LACTB2: variants seen among roughly 807,000 people sequenced by gnomAD.
LACTB2 encodes the protein endoribonuclease LACTB2.
A neutral mutation model predicts 34.8 loss-of-function variants in LACTB2; 32 were observed. The observed-to-expected ratio is 0.92, with a 90% CI of 0.69 to 1.24. The LOEUF is 1.24. Among genes scored for constraint, LACTB2 ranks in the 50% most tolerant of loss-of-function variants. The pLI is 0.00. For synonymous variants in LACTB2, 120 were observed against 117.5 expected (o/e 1.02, Z -0.14); for missense variants, 320 against 345.0 (o/e 0.93, Z 0.57).
At chr8:70,647,359 TCTC>T (rs1818277118) in intron 3 of LACTB2, among the ~76,000 whole-genome samples, 1 of 151,896 alleles carries the variant, frequency 6.6e-6, no homozygotes, top group Admixed American at 6.6e-5. Context: ...TTCAAGCAAT[TCTC>T]CTGCCTCAGC....
intron 3 of LACTB2, among the ~76,000 whole-genome samples, chr8:70,650,822 A>G (rs1049661546): frequency 6.6e-6 from 1 of 151,584 alleles, no homozygotes; most frequent in African/African-American, 2.4e-5. Context: ...ATACTACCCA[A>G]TTTTATTACT....
intron 1 of LACTB2, chr8:70,662,387 T>C (rs1345808192): frequency 6.6e-6 from 1 of 152,374 alleles, no homozygotes; most frequent in Non-Finnish European, 1.5e-5. Context: ...TTTATAGATA[T>C]GAAAGATTTT....
At chr8:70,666,570 G>A (rs1341399097) in intron 1 of LACTB2, among the ~76,000 whole-genome samples, 1 of 152,144 alleles carries the variant, frequency 6.6e-6, no homozygotes, top group African/African-American at 2.4e-5. Context: ...GAATACACAA[G>A]GCCTTCCAGT....
intron 6 of LACTB2, 55 bp from the exon 7 acceptor site, chr8:70,637,958 G>C: frequency 2.1e-6 from 2 of 971,124 alleles, no homozygotes; most frequent in Non-Finnish European, 3.0e-6. Context: ...TAAATGCACT[G>C]AATTTTAAGT....
intron 4 of LACTB2, among the ~76,000 whole-genome samples, chr8:70,642,989 T>C (rs28436006): frequency 0.15 from 22,849 of 152,074 alleles, 2,403 homozygotes; most frequent in African/African-American, 0.3. Flanking sequence ...ACAGCTAAAA[T>C]GTGGTCCAAA....
At chr8:70,638,720 G>T in intron 5 of LACTB2, 91 bp from the exon 6 acceptor site, 4 of 1,034,678 alleles carry the variant, frequency 3.9e-6, no homozygotes, top group South Asian at 2.3e-5. Flanking sequence ...AAAGCAAAAT[G>T]TAGCAAAAGT....
At chr8:70,663,307 A>G (rs535576982) in intron 1 of LACTB2, 2 of 152,320 alleles carry the variant, frequency 1.3e-5, no homozygotes, top group African/African-American at 4.8e-5. Flanking sequence ...GTTATTTTTT[A>G]TTGGTTTGTT....
chr8:70,661,608 T>C, intron 2 of LACTB2, 126 bp downstream of exon 2: 1 of 779,780 alleles, frequency 1.3e-6, no homozygotes, highest in South Asian at 2.0e-5. Context: ...AATCAATTTC[T>C]AAAAGTACCA....
At position 70,638,471 on chromosome 8, in the gene LACTB2, T is replaced by C; in HGVS notation, c.823+77A>G. The C allele has an allele frequency of 3.5e-6, 5 of 1,410,280 alleles. No homozygotes were observed. In the South Asian group the frequency reaches 6.7e-5, roughly 19 times the overall value. 87.4% of individuals were successfully genotyped at this position (1,410,280 alleles called of 1,614,324 possible). A position where few individuals can be genotyped will look rare whatever the true frequency, so the allele number is the denominator to read the frequency against. ...GGGAGAACTCTGATGGGTATTATTT[T>C]TCCTCAAAGGAAACTAAGGCATCTG... On this transcript the variant is annotated intron_variant, in intron 6 of 6. Transcript: ENST00000276590.
chr8:70,643,348 G>A (rs1420874287), intron 4 of LACTB2, among the ~76,000 whole-genome samples: 1 of 148,078 alleles, frequency 6.8e-6, no homozygotes, highest in Non-Finnish European at 1.5e-5. Context: ...TCAGCCTCCC[G>A]CGTAGCTGGG....
At chr8:70,665,900 G>T (rs1484133291) in intron 1 of LACTB2, among the ~76,000 whole-genome samples, 2 of 152,174 alleles carry the variant, frequency 1.3e-5, no homozygotes, top group South Asian at 4.1e-4. Flanking sequence ...GAGCAGAGGA[G>T]GAAAGTAAAA....
At position 70,637,379 on chromosome 8, in the gene LACTB2, G is replaced by C. The variant is rs1979452; in HGVS notation, c.*481C>G. ...ATGATACAGAGTTATGGAACCAATA[G>C]ATAGTCATGATATAGTTGATAGAAA... On this transcript the variant is annotated 3_prime_UTR_variant, in exon 7 of 7. Coordinates refer to ENST00000276590, the MANE Select transcript of LACTB2 (RefSeq NM_016027.3). 0.12 allele frequency: 18,897 copies of C among 152,150 alleles called. 1,422 individuals are homozygous for C. Among genetic ancestry groups the C allele is most frequent in the African/African-American group, 0.21 (8,798 of 41,486 alleles). 9.4% of individuals were successfully genotyped at this position (152,150 alleles called of 1,614,324 possible). A position where few individuals can be genotyped will look rare whatever the true frequency, so the allele number is the denominator to read the frequency against.
chr8:70,663,098 A>G (rs1175562962), intron 1 of LACTB2: 1 of 152,224 alleles, frequency 6.6e-6, no homozygotes, highest in African/African-American at 2.4e-5. Context: ...TTATTCATTA[A>G]TTGATCAATA....
chr8:70,655,121 GAACA>G (rs1472949951), intron 3 of LACTB2, among the ~76,000 whole-genome samples: 1 of 151,392 alleles, frequency 6.6e-6, no homozygotes, highest in African/African-American at 2.4e-5. Flanking sequence ...ATATCAGTGA[GAACA>G]AACAATGTTT....
intron 3 of LACTB2, among the ~76,000 whole-genome samples, chr8:70,649,706 G>A (rs533265076): frequency 6.6e-6 from 1 of 152,176 alleles, no homozygotes; most frequent in Non-Finnish European, 1.5e-5. Flanking sequence ...ATGTAGGAAA[G>A]AATCAAATAG....
chr8:70,668,219 G>A (rs1818562743), intron 1 of LACTB2, among the ~76,000 whole-genome samples: 1 of 152,132 alleles, frequency 6.6e-6, no homozygotes, highest in African/African-American at 2.4e-5. Context: ...TGTCTTGACT[G>A]CACAATTAAA....
At chr8:70,654,168 G>A (rs773903284) in intron 3 of LACTB2, among the ~76,000 whole-genome samples, 26 of 152,172 alleles carry the variant, frequency 1.7e-4, no homozygotes, top group Non-Finnish European at 3.7e-4. Flanking sequence ...ATTTTGCCCA[G>A]AAAGCGTTCT....
chr8:70,644,179 T>C lies in LACTB2; in HGVS notation c.478A>G (p.Ile160Val), dbSNP rs746208543. 44 of 1,613,088 alleles carry C rather than the reference T, an allele frequency of 2.7e-5. No individual in the cohort carries two copies. Among genetic ancestry groups the C allele is most frequent in the Non-Finnish European group, 3.5e-5 (41 of 1,179,488 alleles). Residue 160 changes from isoleucine to valine, a missense_variant, in exon 4 of 7, where the codon ATC becomes GTC. Physicochemically the swap from Ile to Val is conservative, Grantham distance 29. Transcript: ENST00000276590. Reference protein sequence around the residue: ...MALLLEEENAIFSGDCILGEG... With the variant: ...MALLLEEENAVFSGDCILGEG... ...CCTAGGATGCAATCTCCAGAAAAGA[T>C]AGCATTTTCCTCTTCTAAGAGTAGA... is the stretch of plus-strand genomic sequence containing the variant.
intron 3 of LACTB2, among the ~76,000 whole-genome samples, chr8:70,648,311 A>G (rs544689035): frequency 2.8e-4 from 42 of 152,324 alleles, no homozygotes; most frequent in African/African-American, 9.9e-4. Context: ...GCGCATAAAA[A>G]CGAACAAGCA....
Sources: allele counts gnomAD v4.1 joint callset (sites outside exome capture counted in the v4.1 genomes callset), GRCh38; gene constraint gnomAD v4.1.1; transcripts MANE v1.5; gene names NCBI Gene and HGNC (gene_info 2026-07-23, HGNC 2026-07-21).